The following PRKD3 variants were observed in gnomAD, a reference collection of about 807,000 sequenced individuals.
PRKD3 encodes the protein serine/threonine-protein kinase D3.
In PRKD3, 47 loss-of-function variants were observed where a neutral mutation model predicts 99.2. The observed-to-expected ratio is 0.47, with a 90% CI of 0.38 to 0.60. The LOEUF (loss-of-function observed/expected upper bound fraction) is 0.60. Ranked by LOEUF, PRKD3 falls within the 20% of genes least tolerant of loss-of-function variation. PRKD3 has a pLI of 0.00. For missense variants in PRKD3, 1,019 were observed against 1,088.4 expected (o/e 0.94, Z 0.90); for synonymous variants, 392 against 355.4 (o/e 1.10, Z -1.16).
rs150193223 is a variant in PRKD3, at chr2:37,285,911, G to A, written c.910+266C>T. Among the ~76,000 whole-genome samples, 24 of 152,136 alleles carry A rather than the reference G, an allele frequency of 1.6e-4. No individual in the cohort carries two copies. In the East Asian group the frequency reaches 3.1e-3, roughly 20 times the overall value. ...TATTACTACTAGTATATTAACAAAA[G>A]CATAATTCACATACAATTGCTTTGA... On this transcript the variant is annotated intron_variant, in intron 6 of 18. Transcript: ENST00000234179.
intron 16 of PRKD3, among the ~76,000 whole-genome samples, chr2:37,258,379 C>T (rs1668145241): frequency 6.6e-6 from 1 of 152,196 alleles, no homozygotes; most frequent in South Asian, 2.1e-4. Context: ...TTGTTAAATG[C>T]CAGATTTCAG....
chr2:37,276,076 T>C (rs761817708), intron 9 of PRKD3, among the ~76,000 whole-genome samples: 4 of 152,162 alleles, frequency 2.6e-5, no homozygotes, highest in Admixed American at 1.3e-4. Context: ...GTTATCAGGT[T>C]TCTGGGAATC....
At chr2:37,309,846 CAAA>C (rs33959650) in intron 2 of PRKD3, among the ~76,000 whole-genome samples, 2,376 of 98,388 alleles carry the variant, frequency 0.024, 23 homozygotes, top group African/African-American at 0.058. Flanking sequence ...GACTCCGTCT[CAAA>C]AAAAAAAAAA....
intron 12 of PRKD3, 130 bp from the exon 13 acceptor site, chr2:37,269,817 C>G: frequency 1.5e-6 from 1 of 668,312 alleles, no homozygotes; most frequent in Middle Eastern, 3.9e-4. Context: ...AAAGTGCAAA[C>G]TATTTTATGA....
rs1385820838 is a variant in PRKD3, at chr2:37,256,627, A to AT, written c.2413+34_2413+35insA. The AT allele has an allele frequency of 2.8e-4, 350 of 1,247,310 alleles. 2 individuals are homozygous for AT. In the African/African-American group the frequency reaches 6.9e-3, roughly 25 times the overall value. The allele number at this position is 1,247,310 out of a possible 1,614,324, so 77.3% of individuals were successfully genotyped here. The stretch of plus-strand genomic sequence containing the variant: ...GTTTAGGCTTAAAACACATAGCCAA[A>AT]ATTTTTTTTTTTTTTTTTTTTTTTT... On this transcript the variant is annotated intron_variant, in intron 17 of 18. Coordinates refer to ENST00000234179, the MANE Select transcript of PRKD3 (RefSeq NM_005813.6).
Position 37,316,442 on chromosome 2 carries a change from G to A in PRKD3, c.83C>T (p.Pro28Leu), listed in dbSNP as rs1213817606. The part of the protein sequence containing the change: ...AIPAVLPAAS[P>L]CSSPKTGLSA... ...GAGTCCCGTCTTAGGACTTGAACAC[G>A]GAGAAGCAGCTGGAAGCACAGCAGG... Residue 28 changes from proline (P) to leucine (L), a missense_variant, in exon 2 of 19, where the codon CCG (proline) becomes CTG (leucine). Physicochemically the swap from Pro to Leu is moderately conservative, Grantham distance 98 (BLOSUM62 -3). Transcript: ENST00000234179. The A allele has an allele frequency of 2.5e-6, 4 of 1,614,244 alleles. No homozygotes were observed. Among genetic ancestry groups the A allele is most frequent in the Middle Eastern group, 1.6e-4 (1 of 6,062 alleles).
chr2:37,312,313 A>C (rs1572701975), intron 2 of PRKD3, among the ~76,000 whole-genome samples: 1 of 152,318 alleles, frequency 6.6e-6, no homozygotes, highest in Non-Finnish European at 1.5e-5. Flanking sequence ...GAATCGTGGA[A>C]ATATCTGACA....
intron 1 of PRKD3, among the ~76,000 whole-genome samples, chr2:37,322,684 T>G (rs1227078637): frequency 6.6e-6 from 1 of 152,202 alleles, no homozygotes; most frequent in African/African-American, 2.4e-5. Context: ...TGGAAAAATT[T>G]TTTTTCCTAC....
intron 1 of PRKD3, among the ~76,000 whole-genome samples, chr2:37,323,384 T>A (rs1394451392): frequency 6.6e-6 from 1 of 151,824 alleles, no homozygotes; most frequent in African/African-American, 2.4e-5. Context: ...TACTCCAAGC[T>A]CATGCACTCA....
intron 17 of PRKD3, among the ~76,000 whole-genome samples, chr2:37,254,861 T>C (rs1001055845): frequency 1.3e-5 from 2 of 152,192 alleles, no homozygotes; most frequent in African/African-American, 4.8e-5. Context: ...TTTTAACAAA[T>C]AGGTTTCAGG....
chr2:37,267,317 T>C, intron 14 of PRKD3, 113 bp downstream of exon 14: 1 of 667,930 alleles, frequency 1.5e-6, no homozygotes, highest in Non-Finnish European at 2.5e-6. Context: ...CTATAATGCC[T>C]ATATTACCAT....
intron 1 of PRKD3, among the ~76,000 whole-genome samples, chr2:37,319,198 A>G (rs1236520259): frequency 1.3e-5 from 2 of 152,200 alleles, no homozygotes; most frequent in African/African-American, 2.4e-5. Flanking sequence ...AAGCCAGAAA[A>G]AAAAGATAGT....
chr2:37,265,786 A>G (rs557104206), intron 14 of PRKD3, among the ~76,000 whole-genome samples: 16 of 152,348 alleles, frequency 1.1e-4, no homozygotes, highest in Middle Eastern at 3.4e-3. Flanking sequence ...CAGTTTGGGC[A>G]ATATTGATGA....
rs567726195 is a variant in PRKD3 at position 37,316,871 on chromosome 2, C to G, written c.-347G>C. On this transcript the variant is annotated 5_prime_UTR_variant, in exon 2 of 19. Transcript: ENST00000234179. ...TATTTTCCTTTCAGTCTGTACTTGT[C>G]TCTTTAATTTCAGGAAATACATATT... 9.6e-7 allele frequency: 1 copy of G among 1,040,042 alleles called. No homozygotes were observed. Among genetic ancestry groups the G allele is most frequent in the South Asian group, 4.0e-5 (1 of 25,044 alleles). 64.4% of individuals were successfully genotyped at this position (1,040,042 alleles called of 1,614,324 possible). A position where few individuals can be genotyped will look rare whatever the true frequency, so the allele number is the denominator to read the frequency against.
At position 37,282,572 on chromosome 2, in the gene PRKD3, C is replaced by A. The variant is rs1274319426; in HGVS notation, c.958G>T (p.Asp320Tyr). The A allele has an allele frequency of 1.2e-5, 20 of 1,601,578 alleles. No homozygotes were observed. The highest frequency in any genetic ancestry group is 1.6e-5 in the Non-Finnish European group (19 of 1,168,818). ...HKRCASKVPR[D>Y]CLGEVTFNGE... ...TTGAAAGTAACCTCTCCAAGGCAGT[C>A]TCTTGGTACTTTTGATGCACAGCGT... Residue 320 changes from aspartate to tyrosine, a missense_variant, in exon 7 of 19, where the codon GAC becomes TAC. Physicochemically the swap from Asp to Tyr is radical, Grantham distance 160 (BLOSUM62 -3). This residue lies in a region of PRKD3 where 710 missense variants were observed against 692.7 expected (regional missense o/e 1.02). Coordinates refer to ENST00000234179, the MANE Select transcript of PRKD3 (RefSeq NM_005813.6).
At chr2:37,299,511 TACACACACAC>T (rs70949749) in intron 2 of PRKD3, among the ~76,000 whole-genome samples, 2,395 of 132,578 alleles carry the variant, frequency 0.018, 53 homozygotes, top group African/African-American at 0.046. Context: ...TCTACTAAAA[TACACACACAC>T]ACACACACAC....
In PRKD3 at chr2:37,289,545, T is replaced by C. The variant is rs766096174; in HGVS notation, c.560-32A>G. 3 of 1,526,602 alleles carry C rather than the reference T, an allele frequency of 2.0e-6. No individual in the cohort carries two copies. The South Asian group carries it at 3.7e-5, about 19-fold the overall frequency. The allele number at this position is 1,526,602 out of a possible 1,614,324, so 94.6% of individuals were successfully genotyped here. On this transcript the variant is annotated intron_variant, in intron 4 of 18. Coordinates refer to ENST00000234179, the MANE Select transcript of PRKD3 (RefSeq NM_005813.6). Reference sequence around the variant, plus strand: ...ATATTTTACAAGGTAAAATATAAGATTTAAAAAAAAATTTACTATTTAAGT... The same window carrying C: ...ATATTTTACAAGGTAAAATATAAGACTTAAAAAAAAATTTACTATTTAAGT...
chr2:37,312,761 A>G lies in PRKD3; in HGVS notation c.288+3476T>C, dbSNP rs569321100. Reference sequence around the variant, plus strand: ...AATGAATCAACTATATATATTAAATAAAGTGTCTTCAAACAGAAACACATA... The same window carrying G: ...AATGAATCAACTATATATATTAAATGAAGTGTCTTCAAACAGAAACACATA... On this transcript the variant is annotated intron_variant, in intron 2 of 18. Transcript: ENST00000234179. Among the ~76,000 whole-genome samples the G allele has an allele frequency of 2.6e-5, 4 of 152,314 alleles. No individual in the cohort carries two copies. In the South Asian group the frequency reaches 8.3e-4, roughly 32 times the overall value.
intron 11 of PRKD3, among the ~76,000 whole-genome samples, chr2:37,273,149 G>A (rs914217401): frequency 3.9e-5 from 6 of 152,018 alleles, no homozygotes; most frequent in Admixed American, 3.9e-4. Flanking sequence ...TTATAATGTT[G>A]TTTTTTGGTA....
Sources: gnomAD v4.1 joint callset for allele counts (sites outside exome capture counted in the v4.1 genomes callset) on GRCh38, gnomAD v4.1.1 for gene constraint, gnomAD v4.1.1 regional missense constraint, MANE v1.5 for transcripts, NCBI Gene and HGNC (gene_info 2026-07-23, HGNC 2026-07-21) for gene names.